Variants in MYH1 observed in about 807,000 individuals in gnomAD.
The protein encoded by MYH1 is myosin-1.
Under a neutral mutation model 225.6 loss-of-function variants are expected in MYH1, and 214 were observed. That is an observed-to-expected ratio of 0.95 (90% confidence interval 0.85 to 1.06). The LOEUF is 1.06. Among genes scored for constraint, MYH1 ranks in the 50% least tolerant of loss-of-function variants. MYH1 has a pLI of 0.00. For missense variants in MYH1, 2,098 were observed against 2,344.2 expected (o/e 0.89, Z 2.17); for synonymous variants, 774 against 842.3 (o/e 0.92, Z 1.40).
At chr17:10,514,765 C>A (rs747633299) in intron 6 of MYH1, 103 bp downstream of exon 6, 118 of 990,672 alleles carry the variant, frequency 1.2e-4, no homozygotes, top group Non-Finnish European at 1.4e-4. Flanking sequence ...CCAGGTTGAT[C>A]ATTCAGTGCT....
At chr17:10,501,012 C>T (rs1486545774) in intron 27 of MYH1, 98 bp downstream of exon 27, 4 of 1,546,692 alleles carry the variant, frequency 2.6e-6, no homozygotes, top group Non-Finnish European at 3.5e-6. Flanking sequence ...AAAAAGGGTG[C>T]CTGATTTAGT....
rs766943774 is a variant in MYH1, at chr17:10,516,264, T to A, written c.283A>T (p.Thr95Ser). 2 of 1,613,624 alleles carry A rather than the reference T, an allele frequency of 1.2e-6. No homozygotes were observed. Among genetic ancestry groups the A allele is most frequent in the African/African-American group, 2.7e-5 (2 of 74,750 alleles). ...AGCACAGCAGGCTCGTGTAGATGAG[T>A]CATCATGGCCATGTCCTCGATCTTG... ...YDKIEDMAMM[T>S]HLHEPAVLYN... The change falls in exon 4 of 40, where the codon ACT (threonine) becomes TCT (serine). Residue 95 changes from threonine to serine, a missense_variant. Physicochemically the swap from Thr to Ser is moderately conservative, Grantham distance 58. Coordinates refer to ENST00000226207, the MANE Select transcript of MYH1 (RefSeq NM_005963.4).
In MYH1 at chr17:10,516,090, C is replaced by G. The variant is rs2073224561; in HGVS notation, c.349-8G>C. 6.2e-7 allele frequency: 1 copy of G among 1,613,708 alleles called. No homozygotes were observed. The highest frequency in any genetic ancestry group is 8.5e-7 in the Non-Finnish European group (1 of 1,179,782). The stretch of plus-strand genomic sequence containing the variant: ...GAACAAGCCTGAGTAGGTCTGCACC[C>G]AAAACAAAAGGGAGGAACAGAATTA... On this transcript the variant is annotated splice_region_variant and splice_polypyrimidine_tract_variant and intron_variant, in intron 4 of 39. Transcript: ENST00000226207.
Position 10,514,886 on chromosome 17 carries a change from T to C in MYH1, c.515A>G (p.Asn172Ser). 6.2e-7 allele frequency: 1 copy of C among 1,612,756 alleles called. No homozygotes were observed. The highest frequency in any genetic ancestry group is 1.1e-5 in the South Asian group (1 of 91,010). Reference sequence around the variant, plus strand: ...TACATACGTGATCAAGATAGACTGATTCTCCCGATCTAGAAGAAAAACAGT... The same window carrying C: ...TACATACGTGATCAAGATAGACTGACTCTCCCGATCTAGAAGAAAAACAGT... ...AYQFMLTDRE[N>S]QSILITGESG... is the part of the protein sequence containing the mutation. The change falls in exon 6 of 40, where the codon AAT becomes AGT. Residue 172 changes from asparagine (N) to serine (S), a missense_variant. Coordinates refer to ENST00000226207, the MANE Select transcript of MYH1 (RefSeq NM_005963.4).
chr17:10,506,215 A>G, intron 17 of MYH1, 116 bp from the exon 18 acceptor site: 2 of 1,340,144 alleles, frequency 1.5e-6, no homozygotes, highest in Non-Finnish European at 2.0e-6. Context: ...TAGTATCCAG[A>G]TGAAAATTTT....
Position 10,516,288 on chromosome 17 carries a change from TGTCATATTTGGGA to T in MYH1, c.246_258del (p.Pro83ArgfsTer7), listed in dbSNP as rs1374129750. 1 of 1,614,212 alleles carries T rather than the reference TGTCATATTTGGGA, an allele frequency of 6.2e-7. No homozygotes were observed. The highest frequency in any genetic ancestry group is 1.1e-5 in the South Asian group (1 of 91,088). Reference sequence around the variant, plus strand: ...GTCATCATGGCCATGTCCTCGATCTTGTCATATTTGGGAGGGTTCATGGGGAAGACTTGGTCAT... The same window carrying T: ...GTCATCATGGCCATGTCCTCGATCTTGGGTTCATGGGGAAGACTTGGTCAT... On this transcript the variant is annotated frameshift_variant, in exon 4 of 40. Coordinates refer to ENST00000226207, the MANE Select transcript of MYH1 (RefSeq NM_005963.4). LOFTEE classifies it high-confidence loss of function.
intron 24 of MYH1, 22 bp from the exon 25 acceptor site, chr17:10,501,933 A>G: frequency 1.3e-6 from 2 of 1,590,440 alleles, no homozygotes; most frequent in African/African-American, 2.7e-5. Flanking sequence ...TAATCCATGA[A>G]TATGGTTCTT....
intron 17 of MYH1, among the ~76,000 whole-genome samples, chr17:10,507,342 C>A (rs935570331): frequency 3.3e-5 from 5 of 152,140 alleles, no homozygotes; most frequent in African/African-American, 9.7e-5. Flanking sequence ...GGATTACAGG[C>A]GTGAGCAACT....
intron 12 of MYH1, 65 bp downstream of exon 12, chr17:10,512,343 A>C: frequency 2.5e-6 from 4 of 1,613,452 alleles, no homozygotes; most frequent in Non-Finnish European, 3.4e-6. Context: ...AGAAGACTTG[A>C]ATTTTGGAAT....
chr17:10,495,392 A>C, intron 35 of MYH1, 75 bp from the exon 36 acceptor site: 1 of 1,510,046 alleles, frequency 6.6e-7, no homozygotes, highest in Non-Finnish European at 9.1e-7. Context: ...CTAATGAACC[A>C]TAAACTAATT....
chr17:10,512,668 A>G lies in MYH1; in HGVS notation c.1008+13T>C. 1 of 1,613,232 alleles carries G rather than the reference A, an allele frequency of 6.2e-7. No homozygotes were observed. The highest frequency in any genetic ancestry group is 1.1e-5 in the South Asian group (1 of 91,054). On this transcript the variant is annotated intron_variant, in intron 11 of 39. Transcript: ENST00000226207. The stretch of plus-strand genomic sequence containing the variant: ...CATAATGGATTTTAAATTAAAATTC[A>G]TGTATAACTTACATCTGTAGCCATC...
In MYH1 at chr17:10,515,086, G is replaced by A. The variant is rs373607400; in HGVS notation, c.506-191C>T. The stretch of plus-strand genomic sequence containing the variant: ...TATTCTCCAAAGCTAGATACATTCC[G>A]TAGTTGTCATCTGTAGATTTCAATG... On this transcript the variant is annotated intron_variant, in intron 5 of 39. Transcript: ENST00000226207. Among the ~76,000 whole-genome samples the A allele has an allele frequency of 1.2e-4, 19 of 152,262 alleles. No homozygotes were observed. The East Asian group carries it at 1.9e-3, about 15-fold the overall frequency.
At chr17:10,502,599 G>T in intron 24 of MYH1, 139 bp downstream of exon 24, 2 of 1,291,248 alleles carry the variant, frequency 1.5e-6, no homozygotes, top group South Asian at 2.7e-5. Flanking sequence ...CTTAGACCTT[G>T]TAATAGGGAT....
At chr17:10,505,644 C>T in intron 19 of MYH1, 133 bp from the exon 20 acceptor site, 1 of 1,367,032 alleles carries the variant, frequency 7.3e-7, no homozygotes. Flanking sequence ...TTTATCTATC[C>T]TCTGTTTATT....
intron 17 of MYH1, among the ~76,000 whole-genome samples, chr17:10,507,676 G>A (rs982667001): frequency 6.6e-6 from 1 of 152,020 alleles, no homozygotes; most frequent in Non-Finnish European, 1.5e-5. Context: ...TGACTCCTGT[G>A]TCTTCTGAAT....
At chr17:10,503,679 C>T (rs1432336194) in intron 22 of MYH1, among the ~76,000 whole-genome samples, 4 of 152,082 alleles carry the variant, frequency 2.6e-5, no homozygotes, top group African/African-American at 9.7e-5. Context: ...GGGAATGGAA[C>T]ATGTTCAAGG....
chr17:10,517,813 C>A (rs1180908745), intron 2 of MYH1, among the ~76,000 whole-genome samples: 1 of 152,060 alleles, frequency 6.6e-6, no homozygotes, highest in East Asian at 1.9e-4. Context: ...TCAGACCATT[C>A]TATTTATCCA....
At chr17:10,497,549 A>G in intron 31 of MYH1, 97 bp from the exon 32 acceptor site, 2 of 1,503,186 alleles carry the variant, frequency 1.3e-6, no homozygotes, top group Non-Finnish European at 1.8e-6. Flanking sequence ...GTGTTCTGGG[A>G]CTGAAAAAAA....
At chr17:10,518,393 G>T (rs1567724556) in intron 1 of MYH1, 123 bp from the exon 2 acceptor site, 1 of 152,146 alleles carries the variant, frequency 6.6e-6, no homozygotes, top group South Asian at 2.1e-4. Context: ...AATTGCTACG[G>T]AGTAAGCTGG....
Sources: gnomAD v4.1 joint callset for allele counts (sites outside exome capture counted in the v4.1 genomes callset) on GRCh38, gnomAD v4.1.1 for gene constraint, MANE v1.5 for transcripts, NCBI Gene and HGNC (gene_info 2026-07-23, HGNC 2026-07-21) for gene names.